MROH1: variants seen among roughly 807,000 people sequenced by gnomAD.
MROH1 encodes the protein maestro heat like repeat family member 1, also known as maestro heat-like repeat-containing protein family member 1.
A neutral mutation model predicts 116.5 loss-of-function variants in MROH1; 117 were observed. The observed-to-expected ratio is 1.00, with a 90% CI of 0.86 to 1.17. The LOEUF (loss-of-function observed/expected upper bound fraction) is 1.17, where lower values mean the gene tolerates loss of function less well. MROH1 is among the 50% of genes most tolerant of loss of function. The pLI is 0.00. For missense variants in MROH1, 1,873 were observed against 1,338.5 expected (o/e 1.40, Z -6.23); for synonymous variants, 921 against 583.9 (o/e 1.58, Z -8.32).
intron 33 of MROH1, among the ~76,000 whole-genome samples, chr8:144,252,979 C>CATATATATAT (rs138657169): frequency 2.1e-5 from 3 of 142,668 alleles, no homozygotes; most frequent in African/African-American, 5.2e-5. Context: ...AAATTTATTT[C>CATATATATAT]ATATATATAT....
chr8:144,239,967 C>T, intron 18 of MROH1, 134 bp from the exon 19 acceptor site: 1 of 707,434 alleles, frequency 1.4e-6, no homozygotes, highest in Non-Finnish European at 2.6e-6. Context: ...TGGGTGCTTC[C>T]TGGGAGCAGG....
Position 144,220,592 on chromosome 8 carries a change from T to A in MROH1, c.1142-8T>A. ...GGTAGGCTGAGCTGTCCTGTTTGTT[T>A]CTTGCAGCTGCTCAGATGGAAGATA... On this transcript the variant is annotated splice_region_variant and splice_polypyrimidine_tract_variant and intron_variant, in intron 12 of 43. Transcript: ENST00000326134. The A allele has an allele frequency of 6.4e-7, 1 of 1,566,530 alleles. No homozygotes were observed. The highest frequency in any genetic ancestry group is 8.7e-7 in the Non-Finnish European group (1 of 1,155,458).
chr8:144,236,918 TTTTTTG>T, intron 14 of MROH1, among the ~76,000 whole-genome samples: 1 of 115,148 alleles, frequency 8.7e-6, no homozygotes, highest in African/African-American at 3.4e-5. Flanking sequence ...TTTTTTTTTT[TTTTTTG>T]AGATGGAGTC....
intron 10 of MROH1, among the ~76,000 whole-genome samples, chr8:144,193,771 C>T (rs1829197152): frequency 6.6e-6 from 1 of 151,950 alleles, no homozygotes; most frequent in Non-Finnish European, 1.5e-5. Flanking sequence ...CCACACCTGG[C>T]TAGTTTTTTG....
chr8:144,162,747 G>C (rs1473353825), intron 2 of MROH1, among the ~76,000 whole-genome samples: 2 of 150,118 alleles, frequency 1.3e-5, no homozygotes, highest in East Asian at 3.9e-4. Flanking sequence ...CTCTGAGACA[G>C]AGTCTCACTC....
chr8:144,216,470 T>C (rs1251825266), intron 12 of MROH1, among the ~76,000 whole-genome samples: 2 of 152,002 alleles, frequency 1.3e-5, no homozygotes, highest in Non-Finnish European at 2.9e-5. Flanking sequence ...CAAGACTCCA[T>C]CTCAAAAAAA....
chr8:144,197,088 C>G (rs1463111929), intron 10 of MROH1, among the ~76,000 whole-genome samples: 1 of 152,148 alleles, frequency 6.6e-6, no homozygotes, highest in Non-Finnish European at 1.5e-5. Context: ...GAGCAAGACT[C>G]TGTCTCAAAA....
intron 13 of MROH1, among the ~76,000 whole-genome samples, chr8:144,222,886 G>A (rs1837075841): frequency 6.6e-6 from 1 of 151,986 alleles, no homozygotes; most frequent in African/African-American, 2.4e-5. Context: ...CCAGATGTGG[G>A]TGCAGGTAGA....
At chr8:144,205,623 T>TC (rs1226467926) in intron 12 of MROH1, among the ~76,000 whole-genome samples, 2 of 152,106 alleles carry the variant, frequency 1.3e-5, no homozygotes, top group African/African-American at 4.8e-5. Context: ...TGAGTTGATT[T>TC]CCCCCCCAGG....
chr8:144,208,517 G>C (rs188762196), intron 12 of MROH1, among the ~76,000 whole-genome samples: 3 of 151,786 alleles, frequency 2.0e-5, no homozygotes, highest in African/African-American at 7.2e-5. Context: ...AGCCATATTG[G>C]ATGAAGGGCC....
intron 1 of MROH1, among the ~76,000 whole-genome samples, chr8:144,153,667 C>A (rs1817377739): frequency 6.6e-6 from 1 of 152,170 alleles, no homozygotes; most frequent in Non-Finnish European, 1.5e-5. Context: ...GCTGCAGTAC[C>A]CATGGCAGTG....
Position 144,179,461 on chromosome 8 carries a change from C to T in MROH1, c.175C>T (p.His59Tyr), listed in dbSNP as rs201295180. ...GGACGGTGTCTCTCCGCAGCTGGCA[C>T]ACCCATACCGAGCAGCGGTCCTGAG... ...EYLRQHDKLA[H>Y]PYRAAVLRAM... Residue 59 changes from histidine (H) to tyrosine (Y), a missense_variant, in exon 5 of 44, where the codon CAC (histidine) becomes TAC (tyrosine). His to Tyr is a moderately conservative substitution (Grantham distance 83). Coordinates refer to ENST00000326134, the MANE Select transcript of MROH1 (RefSeq NM_032450.3). 411 of 1,613,458 alleles carry T rather than the reference C, an allele frequency of 2.5e-4. 1 individual carries two copies. Among genetic ancestry groups the T allele is most frequent in the Non-Finnish European group, 2.2e-4 (256 of 1,179,794 alleles).
At chr8:144,234,231 G>C (rs566974640) in intron 14 of MROH1, among the ~76,000 whole-genome samples, 2 of 152,080 alleles carry the variant, frequency 1.3e-5, no homozygotes, top group Non-Finnish European at 2.9e-5. Flanking sequence ...GGACGGTCTC[G>C]ATCTCCTGAC....
rs1841171093 is a variant in MROH1, at chr8:144,242,441, G to GC, written c.2257dup (p.Arg753ProfsTer128). ...GTGCTATGGGCACGTGGCGGCCCGG[G>GC]CCCCCCGGGAGCTGGTGCTGGCCAA... On this transcript the variant is annotated frameshift_variant, in exon 23 of 44. Transcript: ENST00000326134. LOFTEE classifies it high-confidence loss of function. 3.8e-6 allele frequency: 3 copies of GC among 780,678 alleles called. No individual in the cohort carries two copies. Among genetic ancestry groups the GC allele is most frequent in the Non-Finnish European group, 7.2e-6 (3 of 417,820 alleles). 48.4% of individuals were successfully genotyped at this position (780,678 alleles called of 1,614,324 possible).
At chr8:144,243,430 G>A in intron 24 of MROH1, 64 bp from the exon 25 acceptor site, 1 of 769,294 alleles carries the variant, frequency 1.3e-6, no homozygotes, top group Non-Finnish European at 2.4e-6. Flanking sequence ...AGAAAAGGGG[G>A]TATGCGCGGG....
Position 144,223,141 on chromosome 8 carries a change from A to G in MROH1, c.1249A>G (p.Met417Val). The change falls in exon 14 of 44, where the codon ATG (methionine) becomes GTG (valine). Residue 417 changes from methionine (M) to valine (V), a missense_variant. Coordinates refer to ENST00000326134, the MANE Select transcript of MROH1 (RefSeq NM_032450.3). ...GGCAGTGGTGCAGGTGATTAGCGCC[A>G]TGGCCCACCACGGCTACCTGGAGCA... Reference protein sequence around the residue: ...KRAVVQVISAMAHHGYLEQPG... With the variant: ...KRAVVQVISAVAHHGYLEQPG... 1.2e-6 allele frequency: 2 copies of G among 1,613,162 alleles called. No homozygotes were observed. Among genetic ancestry groups the G allele is most frequent in the Non-Finnish European group, 1.7e-6 (2 of 1,179,636 alleles).
chr8:144,170,400 G>T (rs1285127522), intron 4 of MROH1, among the ~76,000 whole-genome samples: 1 of 152,034 alleles, frequency 6.6e-6, no homozygotes, highest in East Asian at 1.9e-4. Flanking sequence ...TGACCCTGTG[G>T]GCTGTGACCC....
intron 14 of MROH1, among the ~76,000 whole-genome samples, chr8:144,228,326 C>T (rs1177122444): frequency 6.6e-6 from 1 of 152,134 alleles, no homozygotes; most frequent in African/African-American, 2.4e-5. Context: ...CTTACAAACA[C>T]TTTATTGCTA....
At chr8:144,230,397 G>C (rs950637431) in intron 14 of MROH1, among the ~76,000 whole-genome samples, 5 of 151,978 alleles carry the variant, frequency 3.3e-5, no homozygotes, top group Non-Finnish European at 5.9e-5. Flanking sequence ...TCCTTCAAGA[G>C]CTTTTCCTTT....
Sources: allele counts gnomAD v4.1 joint callset (sites outside exome capture counted in the v4.1 genomes callset), GRCh38; gene constraint gnomAD v4.1.1; transcripts MANE v1.5; gene names NCBI Gene and HGNC (gene_info 2026-07-23, HGNC 2026-07-21).